Variants in CDH10 observed in about 807,000 individuals in gnomAD.
CDH10 encodes cadherin-10.
CDH10 carries 30 observed loss-of-function variants against 73.1 expected under a neutral mutation model. The observed-to-expected ratio is 0.41, with a 90% CI of 0.31 to 0.56. The LOEUF (loss-of-function observed/expected upper bound fraction) is 0.56. Among genes scored for constraint, CDH10 ranks in the 20% least tolerant of loss-of-function variants. CDH10 has a pLI of 0.27. For synonymous variants in CDH10, 345 were observed against 348.2 expected (o/e 0.99, Z 0.10); for missense variants, 815 against 973.7 (o/e 0.84, Z 2.17).
At chr5:24,523,618 T>C (rs577358488) in intron 5 of CDH10, among the ~76,000 whole-genome samples, 1 of 152,282 alleles carries the variant, frequency 6.6e-6, no homozygotes, top group South Asian at 2.1e-4. Context: ...TTTGTGATTG[T>C]TTGATTTGTA....
intron 2 of CDH10, among the ~76,000 whole-genome samples, chr5:24,586,882 TC>T (rs1746030661): frequency 2.2e-5 from 3 of 134,746 alleles, no homozygotes; most frequent in Non-Finnish European, 4.6e-5. Context: ...TCTCGCTCTG[TC>T]GCCCAGGCTG....
intron 9 of CDH10, among the ~76,000 whole-genome samples, chr5:24,496,941 G>A (rs1742314098): frequency 6.6e-6 from 1 of 152,078 alleles, no homozygotes; most frequent in South Asian, 2.1e-4. Flanking sequence ...TTGCCTGTAT[G>A]GGAGGCTATT....
At chr5:24,626,711 G>A (rs1579484196) in intron 1 of CDH10, among the ~76,000 whole-genome samples, 2 of 151,732 alleles carry the variant, frequency 1.3e-5, no homozygotes, top group East Asian at 3.9e-4. Context: ...GAAGCAGAGG[G>A]TGCAGTGAGC....
chr5:24,539,503 T>C (rs1744077247), intron 2 of CDH10, among the ~76,000 whole-genome samples: 1 of 152,036 alleles, frequency 6.6e-6, no homozygotes, highest in African/African-American at 2.4e-5. Context: ...TTTTGGTTAA[T>C]GGAAGTAGTA....
At chr5:24,489,433 G>GTATT (rs1242888021) in intron 11 of CDH10, among the ~76,000 whole-genome samples, 2 of 152,060 alleles carry the variant, frequency 1.3e-5, no homozygotes, top group Non-Finnish European at 2.9e-5. Flanking sequence ...TTTAAAAAGT[G>GTATT]TATTCTTCAA....
At chr5:24,632,200 C>T (rs1479072323) in intron 1 of CDH10, among the ~76,000 whole-genome samples, 12 of 151,990 alleles carry the variant, frequency 7.9e-5, no homozygotes, top group African/African-American at 2.9e-4. Context: ...CTTTCATATG[C>T]TTCTTTCTAT....
At chr5:24,491,225 T>C (rs1742041765) in intron 11 of CDH10, among the ~76,000 whole-genome samples, 1 of 152,202 alleles carries the variant, frequency 6.6e-6, no homozygotes. Flanking sequence ...GTGTCTCAAA[T>C]TTCCAAGCTC....
intron 2 of CDH10, among the ~76,000 whole-genome samples, chr5:24,575,553 T>G (rs1314271425): frequency 6.6e-6 from 1 of 152,068 alleles, no homozygotes; most frequent in East Asian, 1.9e-4. Flanking sequence ...ATAATATTTT[T>G]GAAAGCCAGA....
chr5:24,599,111 C>T (rs759016430), intron 1 of CDH10, among the ~76,000 whole-genome samples: 3 of 152,104 alleles, frequency 2.0e-5, no homozygotes, highest in Non-Finnish European at 4.4e-5. Flanking sequence ...GTAACTTGAT[C>T]CACAAGCAAG....
intron 8 of CDH10, among the ~76,000 whole-genome samples, chr5:24,498,763 G>A (rs2111687913): frequency 6.6e-6 from 1 of 152,276 alleles, no homozygotes; most frequent in East Asian, 1.9e-4. Context: ...AAAAGTACAA[G>A]CCAGTATAAT....
chr5:24,620,081 C>T (rs558980376), intron 1 of CDH10, among the ~76,000 whole-genome samples: 1 of 152,286 alleles, frequency 6.6e-6, no homozygotes, highest in South Asian at 2.1e-4. Context: ...AGAATAAATA[C>T]TTCTGCAAAA....
chr5:24,523,637 C>T (rs1207821212), intron 5 of CDH10, among the ~76,000 whole-genome samples: 1 of 152,032 alleles, frequency 6.6e-6, no homozygotes, highest in African/African-American at 2.4e-5. Context: ...TATTCTTAGG[C>T]ACATGCTTAG....
intron 1 of CDH10, among the ~76,000 whole-genome samples, chr5:24,606,599 A>G (rs1242226337): frequency 6.6e-6 from 1 of 152,180 alleles, no homozygotes; most frequent in Non-Finnish European, 1.5e-5. Flanking sequence ...TGACAGAATG[A>G]GACTCTGTCT....
chr5:24,528,522 A>G (rs894627558), intron 5 of CDH10, among the ~76,000 whole-genome samples: 1 of 151,924 alleles, frequency 6.6e-6, no homozygotes, highest in East Asian at 1.9e-4. Flanking sequence ...ATCCCTATGT[A>G]TATCATATAG....
chr5:24,536,311 C>T lies in CDH10; in HGVS notation c.527-489G>A, dbSNP rs558918885. On this transcript the variant is annotated intron_variant, in intron 3 of 11. Coordinates refer to ENST00000264463, the MANE Select transcript of CDH10 (RefSeq NM_006727.5). Reference sequence around the variant, plus strand: ...ACATGATCCCAAGTTCCATGAACTACTAAAATCTATTTAATAAAGTTCAAG... The same window carrying T: ...ACATGATCCCAAGTTCCATGAACTATTAAAATCTATTTAATAAAGTTCAAG... Among the ~76,000 whole-genome samples, 3 of 151,974 alleles carry T rather than the reference C, an allele frequency of 2.0e-5. No homozygotes were observed. In the East Asian group the frequency reaches 5.8e-4, roughly 29 times the overall value.
At chr5:24,530,605 G>A (rs1281211940) in intron 5 of CDH10, among the ~76,000 whole-genome samples, 1 of 151,958 alleles carries the variant, frequency 6.6e-6, no homozygotes, top group Non-Finnish European at 1.5e-5. Flanking sequence ...AAGGATTATT[G>A]AATGTTTGGT....
At chr5:24,550,344 A>G (rs1250541625) in intron 2 of CDH10, among the ~76,000 whole-genome samples, 1 of 152,052 alleles carries the variant, frequency 6.6e-6, no homozygotes, top group Non-Finnish European at 1.5e-5. Context: ...ACCTTCACCC[A>G]CCATCAACAT....
At chr5:24,603,867 A>C (rs1331189229) in intron 1 of CDH10, among the ~76,000 whole-genome samples, 1 of 152,178 alleles carries the variant, frequency 6.6e-6, no homozygotes, top group African/African-American at 2.4e-5. Flanking sequence ...ATACATATTG[A>C]AAAGGAAAAA....
chr5:24,502,459 T>C (rs886345100), intron 8 of CDH10, among the ~76,000 whole-genome samples: 1 of 152,144 alleles, frequency 6.6e-6, no homozygotes, highest in African/African-American at 2.4e-5. Context: ...GTAAAGTCAG[T>C]GTTTAAAGTC....
Sources: gnomAD v4.1 joint callset for allele counts (sites outside exome capture counted in the v4.1 genomes callset) on GRCh38, gnomAD v4.1.1 for gene constraint, MANE v1.5 for transcripts, NCBI Gene and HGNC (gene_info 2026-07-23, HGNC 2026-07-21) for gene names.